Variants in NKAIN3 observed in about 807,000 individuals in gnomAD.
The protein encoded by NKAIN3 is sodium/potassium transporting ATPase interacting 3.
NKAIN3 carries 25 observed loss-of-function variants against 30.2 expected under a neutral mutation model. The ratio of observed to expected loss-of-function variants is 0.83; its 90% CI spans 0.60 to 1.16. NKAIN3 has a LOEUF of 1.16. Among genes scored for constraint, NKAIN3 ranks in the 50% most tolerant of loss-of-function variants. NKAIN3 has a pLI of 0.00. For synonymous variants in NKAIN3, 91 were observed against 89.6 expected, an observed-to-expected ratio of 1.02 and a Z score of -0.09; for missense variants, 225 against 254.1, an observed-to-expected ratio of 0.89 and a Z score of 0.78.
intron 1 of NKAIN3, among the ~76,000 whole-genome samples, chr8:62,456,954 A>G (rs1805843761): frequency 6.6e-6 from 1 of 152,218 alleles, no homozygotes; most frequent in South Asian, 2.1e-4. Context: ...CATTCATCTC[A>G]TTTTAAATTA....
chr8:62,461,291 A>G (rs1401878383), intron 1 of NKAIN3, among the ~76,000 whole-genome samples: 1 of 152,264 alleles, frequency 6.6e-6, no homozygotes, highest in African/African-American at 2.4e-5. Context: ...TTACAGGATT[A>G]TTCCAGAATA....
intron 4 of NKAIN3, among the ~76,000 whole-genome samples, chr8:62,777,405 C>A (rs1304327881): frequency 6.6e-6 from 1 of 151,698 alleles, no homozygotes; most frequent in African/African-American, 2.4e-5. Context: ...TCTTTGGTAT[C>A]CTATGACTAT....
intron 1 of NKAIN3, among the ~76,000 whole-genome samples, chr8:62,441,734 T>TATTACATTTTCTAGGATCTTTA (rs1449670444): frequency 6.6e-6 from 1 of 152,010 alleles, no homozygotes; most frequent in Non-Finnish European, 1.5e-5. Context: ...TTTATTTTCT[T>TATTACATTTTCTAGGATCTTTA]ATTACATTTT....
chr8:62,622,137 T>A (rs1490515875), intron 3 of NKAIN3, among the ~76,000 whole-genome samples: 1 of 152,086 alleles, frequency 6.6e-6, no homozygotes, highest in Non-Finnish European at 1.5e-5. Context: ...CTCCTTTTTA[T>A]TACTGAGTAG....
intron 1 of NKAIN3, among the ~76,000 whole-genome samples, chr8:62,366,136 A>T (rs1391020991): frequency 6.6e-6 from 1 of 150,550 alleles, no homozygotes. Flanking sequence ...AGTAGGTTGT[A>T]TGTTTCTAGG....
intron 4 of NKAIN3, among the ~76,000 whole-genome samples, chr8:62,839,041 C>G (rs1295045169): frequency 6.6e-6 from 1 of 151,984 alleles, no homozygotes; most frequent in African/African-American, 2.4e-5. Flanking sequence ...ATTTTACCTC[C>G]CTTCGTACAC....
intron 1 of NKAIN3, among the ~76,000 whole-genome samples, chr8:62,356,798 A>G (rs1816371567): frequency 6.6e-6 from 1 of 152,154 alleles, no homozygotes; most frequent in Non-Finnish European, 1.5e-5. Context: ...TCCAAGTTCT[A>G]TAAAGAAATC....
chr8:62,940,507 A>G (rs1188613639), intron 5 of NKAIN3, among the ~76,000 whole-genome samples: 1 of 152,162 alleles, frequency 6.6e-6, no homozygotes, highest in Non-Finnish European at 1.5e-5. Flanking sequence ...AAGGTGGACC[A>G]TAAGATAGCC....
intron 3 of NKAIN3, among the ~76,000 whole-genome samples, chr8:62,592,377 A>T (rs1202604253): frequency 1.3e-5 from 2 of 152,060 alleles, no homozygotes; most frequent in Non-Finnish European, 2.9e-5. Flanking sequence ...GTAAATACTG[A>T]TAGATGTAAT....
At chr8:62,588,939 A>T (rs73257122) in intron 2 of NKAIN3, among the ~76,000 whole-genome samples, 2 of 151,876 alleles carry the variant, frequency 1.3e-5, no homozygotes, top group African/African-American at 4.8e-5. Flanking sequence ...GAGAGGAGCC[A>T]TAGTCCAATC....
intron 3 of NKAIN3, among the ~76,000 whole-genome samples, chr8:62,729,040 C>CAAAAAAAAAAAAAAAAAAAAAAAAAA (rs1317282077): frequency 6.5e-5 from 4 of 61,190 alleles, no homozygotes; most frequent in East Asian, 3.8e-4. Flanking sequence ...AAAAAAAAAA[C>CAAAAAAAAAAAAAAAAAAAAAAAAAA]AAAAAAAAAA....
rs116253062 is a variant in NKAIN3 at position 62,659,374 on chromosome 8, G to T, written c.273+69580G>T. ...TGGCACTTGCCAGTTTCTATATCAGGGTTATTATATTTACCTCATAATTTT... is the reference window on the plus strand; with the variant it reads ...TGGCACTTGCCAGTTTCTATATCAGTGTTATTATATTTACCTCATAATTTT... On this transcript the variant is annotated intron_variant, in intron 3 of 6. Transcript: ENST00000623646. 4.0e-3 allele frequency among the ~76,000 whole-genome samples: 602 copies of T among 152,284 alleles called. 5 individuals carry two copies. The highest frequency in any genetic ancestry group is 0.014 in the African/African-American group (570 of 41,556).
At chr8:62,850,741 G>C (rs1454365905) in intron 4 of NKAIN3, among the ~76,000 whole-genome samples, 2 of 152,024 alleles carry the variant, frequency 1.3e-5, no homozygotes, top group Admixed American at 6.6e-5. Context: ...GTTTTTCTCA[G>C]GTTTGTCAAA....
intron 1 of NKAIN3, among the ~76,000 whole-genome samples, chr8:62,348,479 A>T (rs1816078976): frequency 6.6e-6 from 1 of 152,230 alleles, no homozygotes; most frequent in Admixed American, 6.5e-5. Flanking sequence ...AGCAAAATAC[A>T]TGTGTAACAA....
intron 3 of NKAIN3, among the ~76,000 whole-genome samples, chr8:62,734,028 T>TC (rs1235766858): frequency 2.6e-5 from 4 of 152,318 alleles, no homozygotes; most frequent in African/African-American, 9.6e-5. Flanking sequence ...ACACCTGTAA[T>TC]CCCATCACTT....
chr8:62,484,263 C>CA (rs1185545788), intron 1 of NKAIN3, among the ~76,000 whole-genome samples: 1 of 152,218 alleles, frequency 6.6e-6, no homozygotes, highest in African/African-American at 2.4e-5. Context: ...TGTTTCACCC[C>CA]AGTATTTCCC....
At chr8:62,442,584 A>G (rs971481593) in intron 1 of NKAIN3, among the ~76,000 whole-genome samples, 2 of 151,588 alleles carry the variant, frequency 1.3e-5, no homozygotes, top group Admixed American at 6.6e-5. Flanking sequence ...TTTCTTTTTT[A>G]TTTCACTGAT....
chr8:62,860,899 A>G (rs1371433455), intron 4 of NKAIN3, among the ~76,000 whole-genome samples: 1 of 152,212 alleles, frequency 6.6e-6, no homozygotes, highest in African/African-American at 2.4e-5. Flanking sequence ...GGGGACAGTG[A>G]AGCTCTTCTG....
At chr8:62,864,263 C>T (rs539765358) in intron 4 of NKAIN3, 7 of 1,031,322 alleles carry the variant, frequency 6.8e-6, no homozygotes, top group South Asian at 5.8e-5. Context: ...CCGAGGCAGA[C>T]GGCAAAGGAC....
Sources: allele counts gnomAD v4.1 joint callset (sites outside exome capture counted in the v4.1 genomes callset), GRCh38; gene constraint gnomAD v4.1.1; transcripts MANE v1.5; gene names NCBI Gene and HGNC (gene_info 2026-07-23, HGNC 2026-07-21).